PDE4D: variants seen among roughly 807,000 people sequenced by gnomAD.
PDE4D encodes phosphodiesterase 4D.
Under a neutral mutation model 87.4 loss-of-function variants are expected in PDE4D, and 24 were observed. The ratio of observed to expected loss-of-function variants is 0.27; its 90% CI spans 0.20 to 0.39. The LOEUF is 0.39. PDE4D is among the 10% of genes least tolerant of loss of function. The probability of loss-of-function intolerance (pLI) is 1.00; values close to 1 mark genes in which losing one functional copy is unlikely to be tolerated. For missense variants in PDE4D, 714 were observed against 1,041.0 expected, an observed-to-expected ratio of 0.69 and a Z score of 4.32; for synonymous variants, 384 against 383.2, an observed-to-expected ratio of 1.00 and a Z score of -0.02.
intron 2 of PDE4D, among the ~76,000 whole-genome samples, chr5:60,113,650 C>G (rs1169941096): frequency 6.6e-6 from 1 of 152,102 alleles, no homozygotes; most frequent in Non-Finnish European, 1.5e-5. Flanking sequence ...TATTGTTCTC[C>G]TGATAGAAGG....
chr5:59,427,246 A>T (rs968187426), intron 1 of PDE4D, among the ~76,000 whole-genome samples: 4 of 143,020 alleles, frequency 2.8e-5, no homozygotes, highest in Non-Finnish European at 4.5e-5. Context: ...AGAAGCAAAA[A>T]TCTTGCCAAA....
chr5:60,195,073 C>T (rs1286223588), intron 1 of PDE4D, among the ~76,000 whole-genome samples: 1 of 151,598 alleles, frequency 6.6e-6, no homozygotes, highest in Non-Finnish European at 1.5e-5. Context: ...ACTTTTTCCC[C>T]TCTTCCTTTA....
At chr5:59,617,747 C>T (rs1201245689) in intron 1 of PDE4D, among the ~76,000 whole-genome samples, 1 of 152,176 alleles carries the variant, frequency 6.6e-6, no homozygotes, top group Non-Finnish European at 1.5e-5. Flanking sequence ...GCCAACACCT[C>T]GATCGTAGAA....
At chr5:60,423,200 G>C (rs1743298909) in intron 1 of PDE4D, among the ~76,000 whole-genome samples, 1 of 152,200 alleles carries the variant, frequency 6.6e-6, no homozygotes, top group Non-Finnish European at 1.5e-5. Flanking sequence ...GGGCCTAATA[G>C]ACATCTACAG....
chr5:59,409,206 G>A (rs1010847444), intron 1 of PDE4D, among the ~76,000 whole-genome samples: 2 of 151,730 alleles, frequency 1.3e-5, no homozygotes, highest in Non-Finnish European at 2.9e-5. Flanking sequence ...ATTGTACCTT[G>A]GCTTGGAAGT....
intron 1 of PDE4D, among the ~76,000 whole-genome samples, chr5:60,400,721 C>T (rs918385738): frequency 6.6e-6 from 1 of 151,730 alleles, no homozygotes; most frequent in Non-Finnish European, 1.5e-5. Flanking sequence ...CACTTGAGGT[C>T]AGGAGTTCAA....
intron 1 of PDE4D, among the ~76,000 whole-genome samples, chr5:60,254,862 G>A (rs966965911): frequency 6.6e-6 from 1 of 151,806 alleles, no homozygotes; most frequent in African/African-American, 2.4e-5. Flanking sequence ...AAATGAGAAA[G>A]CATGCAGTTA....
rs1176571501 is a variant in PDE4D, at chr5:59,529,105, C to T, written c.456-313137G>A. The T allele has an allele frequency of 3.4e-5, 16 of 472,294 alleles. 1 individual carries two copies. Among genetic ancestry groups the T allele is most frequent in the Non-Finnish European group, 6.8e-5 (16 of 236,110 alleles). 29.3% of individuals were successfully genotyped at this position (472,294 alleles called of 1,614,324 possible). On this transcript the variant is annotated intron_variant, in intron 1 of 14. Coordinates refer to ENST00000340635, the MANE Select transcript of PDE4D (RefSeq NM_001104631.2). ...GATCAGCAAATGTCTATTCTAATTTCAGACTCACTCCTAAAACTCACTCTT... is the reference window on the plus strand; with the variant it reads ...GATCAGCAAATGTCTATTCTAATTTTAGACTCACTCCTAAAACTCACTCTT...
chr5:59,295,049 C>T, intron 1 of PDE4D, among the ~76,000 whole-genome samples: 1 of 152,128 alleles, frequency 6.6e-6, no homozygotes, highest in East Asian at 1.9e-4. Flanking sequence ...CAAAAATAAA[C>T]ATTAAGCAAA....
intron 2 of PDE4D, among the ~76,000 whole-genome samples, chr5:60,085,862 A>T (rs1179106717): frequency 6.6e-6 from 1 of 152,244 alleles, no homozygotes; most frequent in African/African-American, 2.4e-5. Context: ...GGCCATGTTT[A>T]TGTAAAGAGG....
At chr5:59,187,015 A>G (rs1281112184) in intron 3 of PDE4D, among the ~76,000 whole-genome samples, 1 of 152,230 alleles carries the variant, frequency 6.6e-6, no homozygotes, top group East Asian at 1.9e-4. Context: ...TCATTGCACC[A>G]GCTAATTGAT....
chr5:60,480,381 A>G (rs1748638410), intron 1 of PDE4D, among the ~76,000 whole-genome samples: 2 of 152,154 alleles, frequency 1.3e-5, no homozygotes, highest in Non-Finnish European at 2.9e-5. Context: ...TAATATACGT[A>G]AAATGTAAAG....
At chr5:59,798,560 G>A (rs1213100375) in intron 1 of PDE4D, among the ~76,000 whole-genome samples, 2 of 152,064 alleles carry the variant, frequency 1.3e-5, no homozygotes, top group African/African-American at 4.8e-5. Flanking sequence ...TTTGAAGTAG[G>A]AGAGGTACGG....
At chr5:59,921,197 A>T (rs1053107016) in intron 3 of PDE4D, among the ~76,000 whole-genome samples, 2 of 152,188 alleles carry the variant, frequency 1.3e-5, no homozygotes, top group Non-Finnish European at 2.9e-5. Context: ...AAGTGTAATA[A>T]TTAAAAATTA....
intron 2 of PDE4D, among the ~76,000 whole-genome samples, chr5:60,051,855 G>C (rs1432418197): frequency 2.6e-5 from 4 of 151,552 alleles, no homozygotes; most frequent in Admixed American, 2.6e-4. Flanking sequence ...ATGATAAAGG[G>C]GATATCACCA....
At chr5:59,031,383 A>T (rs1580407402) in intron 6 of PDE4D, among the ~76,000 whole-genome samples, 2 of 62,668 alleles carry the variant, frequency 3.2e-5, no homozygotes, top group African/African-American at 1.3e-4. Context: ...ATATATATAT[A>T]TATATATATT....
intron 1 of PDE4D, among the ~76,000 whole-genome samples, chr5:60,198,131 A>G (rs1053195600): frequency 6.6e-6 from 1 of 151,198 alleles, no homozygotes; most frequent in Non-Finnish European, 1.5e-5. Flanking sequence ...AAGATCTAGT[A>G]CAGCATAAAT....
intron 2 of PDE4D, among the ~76,000 whole-genome samples, chr5:60,181,952 C>G (rs1391205014): frequency 6.6e-6 from 1 of 152,058 alleles, no homozygotes; most frequent in African/African-American, 2.4e-5. Flanking sequence ...TTGTCTGTAC[C>G]TTTCCTTCCC....
chr5:59,913,713 C>T (rs905689484), intron 3 of PDE4D, among the ~76,000 whole-genome samples: 5 of 151,922 alleles, frequency 3.3e-5, no homozygotes, highest in African/African-American at 1.2e-4. Context: ...TATTAACTTC[C>T]ACTTAATGCA....
Sources: allele counts gnomAD v4.1 joint callset (sites outside exome capture counted in the v4.1 genomes callset), GRCh38; gene constraint gnomAD v4.1.1; transcripts MANE v1.5; gene names NCBI Gene and HGNC (gene_info 2026-07-23, HGNC 2026-07-21).